The following SAE1 variants were observed in gnomAD, a reference collection of about 807,000 sequenced individuals.
SAE1 encodes the protein SUMO1 activating enzyme subunit 1.
In SAE1, 11 loss-of-function variants were observed where a neutral mutation model predicts 40.6. The ratio of observed to expected loss-of-function variants is 0.27; its 90% CI spans 0.17 to 0.45. The LOEUF (loss-of-function observed/expected upper bound fraction) is 0.45. Ranked by LOEUF, SAE1 falls within the 20% of genes least tolerant of loss-of-function variation. The pLI is 1.00. For missense variants in SAE1, 373 were observed against 427.3 expected (o/e 0.87, Z 1.12); for synonymous variants, 155 against 154.3 (o/e 1.00, Z -0.03).
intron 6 of SAE1, among the ~76,000 whole-genome samples, chr19:47,192,494 G>T (rs56179616): frequency 0.25 from 37,201 of 151,402 alleles, 4,674 homozygotes; most frequent in South Asian, 0.4. Context: ...TGATCCACCC[G>T]CCTTGGCCTC....
chr19:47,155,224 C>T lies in SAE1; in HGVS notation c.627+11C>T, dbSNP rs373997899. The T allele has an allele frequency of 3.4e-5, 54 of 1,589,236 alleles. No homozygotes were observed. Among genetic ancestry groups the T allele is most frequent in the Admixed American group, 5.0e-5 (3 of 59,840 alleles). On this transcript the variant is annotated intron_variant, in intron 5 of 8. Coordinates refer to ENST00000270225, the MANE Select transcript of SAE1 (RefSeq NM_005500.3). ...ACGATGGTCAAAAAGGTATGTGTAACGTGGGGGCAGAGGTCAGAAACCCTG... is the reference window on the plus strand; with the variant it reads ...ACGATGGTCAAAAAGGTATGTGTAATGTGGGGGCAGAGGTCAGAAACCCTG...
intron 4 of SAE1, 137 bp from the exon 5 acceptor site, chr19:47,154,977 C>T (rs1395433372): frequency 2.3e-5 from 15 of 643,698 alleles, no homozygotes; most frequent in East Asian, 1.0e-4. Context: ...TGGCAGAGCT[C>T]GATTTGAACC....
At chr19:47,204,509 CTT>C (rs1555797191) in intron 8 of SAE1, among the ~76,000 whole-genome samples, 8 of 112,964 alleles carry the variant, frequency 7.1e-5, no homozygotes, top group South Asian at 3.4e-4. Flanking sequence ...CACCCCCCCC[CTT>C]TTTTTTTTTT....
At chr19:47,159,195 C>A (rs2058342143) in intron 5 of SAE1, among the ~76,000 whole-genome samples, 1 of 152,198 alleles carries the variant, frequency 6.6e-6, no homozygotes, top group Non-Finnish European at 1.5e-5. Flanking sequence ...TATTAATACT[C>A]TTTTCATGAA....
chr19:47,143,416 T>G, intron 1 of SAE1, 78 bp from the exon 2 acceptor site: 18 of 1,188,686 alleles, frequency 1.5e-5, no homozygotes, highest in Non-Finnish European at 1.9e-5. Flanking sequence ...ACCAAAATGA[T>G]TTGTGTATTT....
intron 6 of SAE1, among the ~76,000 whole-genome samples, chr19:47,174,775 A>G (rs934038881): frequency 1.3e-5 from 2 of 151,076 alleles, no homozygotes; most frequent in East Asian, 2.0e-4. Context: ...GGGTTTCACC[A>G]TGTTAGCCAG....
chr19:47,191,548 C>T (rs2058577795), intron 6 of SAE1, among the ~76,000 whole-genome samples: 1 of 152,136 alleles, frequency 6.6e-6, no homozygotes, highest in Non-Finnish European at 1.5e-5. Flanking sequence ...CAGTCTGAGG[C>T]CTTGCAGCAG....
At chr19:47,182,391 A>G (rs1263349688) in intron 6 of SAE1, among the ~76,000 whole-genome samples, 1 of 151,660 alleles carries the variant, frequency 6.6e-6, no homozygotes, top group Admixed American at 6.6e-5. Flanking sequence ...GCAGCAGCTG[A>G]GTGCTTGTTG....
chr19:47,201,360 CTTTTTTTTTTTTTTTTTT>C (rs57568797), intron 7 of SAE1, among the ~76,000 whole-genome samples: 729 of 66,266 alleles, frequency 0.011, 38 homozygotes, highest in African/African-American at 0.019. Flanking sequence ...TATCTGGTTC[CTTTTTTTTTTTTTTTTTT>C]TTTTTTTTTT....
At chr19:47,135,572 A>G (rs1373567112) in intron 1 of SAE1, 1 of 151,958 alleles carries the variant, frequency 6.6e-6, no homozygotes, top group Non-Finnish European at 1.5e-5. Flanking sequence ...TGGTGTGATC[A>G]CAACTCACTT....
intron 4 of SAE1, among the ~76,000 whole-genome samples, chr19:47,154,042 C>T (rs996615633): frequency 2.0e-5 from 3 of 151,736 alleles, no homozygotes; most frequent in Non-Finnish European, 2.9e-5. Context: ...CCACCCACCT[C>T]GGCCTCCCAA....
At chr19:47,146,841 G>A (rs2058257803) in intron 2 of SAE1, among the ~76,000 whole-genome samples, 1 of 152,116 alleles carries the variant, frequency 6.6e-6, no homozygotes, top group African/African-American at 2.4e-5. Flanking sequence ...GGTGGCTGGT[G>A]GACTCCGGAG....
intron 8 of SAE1, among the ~76,000 whole-genome samples, chr19:47,204,441 G>A (rs1382179754): frequency 1.4e-5 from 2 of 147,578 alleles, no homozygotes; most frequent in Non-Finnish European, 3.0e-5. Context: ...ATCGTGATCT[G>A]CCCACCTCAG....
intron 6 of SAE1, among the ~76,000 whole-genome samples, chr19:47,176,441 T>C (rs2058469113): frequency 6.6e-6 from 1 of 152,236 alleles, no homozygotes; most frequent in Non-Finnish European, 1.5e-5. Context: ...TTTGTTTCAC[T>C]ATTGCCTAAT....
intron 7 of SAE1, among the ~76,000 whole-genome samples, chr19:47,201,914 T>G (rs2058657841): frequency 6.6e-6 from 1 of 152,162 alleles, no homozygotes; most frequent in Non-Finnish European, 1.5e-5. Context: ...ATTACAGATG[T>G]GAGCCACCGC....
intron 2 of SAE1, among the ~76,000 whole-genome samples, chr19:47,145,518 A>G (rs2048609274): frequency 6.6e-6 from 1 of 152,152 alleles, no homozygotes; most frequent in South Asian, 2.1e-4. Flanking sequence ...GACCAGGCTC[A>G]TCTTCAAGGT....
rs147226727 is a variant in SAE1 at position 47,179,569 on chromosome 19, G to A, written c.733+9646G>A. Among the ~76,000 whole-genome samples, 79 of 151,924 alleles carry A rather than the reference G, an allele frequency of 5.2e-4. 2 individuals are homozygous for A. In the Middle Eastern group the frequency reaches 0.01, roughly 20 times the overall value. ...CTTAGTAGGGATTTTGTTTTCAGAT[G>A]AGGTCTTGCTCTGTACCCCAGGCTG... On this transcript the variant is annotated intron_variant, in intron 6 of 8. Coordinates refer to ENST00000270225, the MANE Select transcript of SAE1 (RefSeq NM_005500.3).
At chr19:47,134,758 T>C (rs984024391) in intron 1 of SAE1, among the ~76,000 whole-genome samples, 2 of 152,014 alleles carry the variant, frequency 1.3e-5, no homozygotes, top group African/African-American at 4.8e-5. Context: ...TGGGGATGAT[T>C]TTTCTGAGAA....
In SAE1 at chr19:47,183,733, T is replaced by A. The variant is rs1747003581; in HGVS notation, c.734-13500T>A. Among the ~76,000 whole-genome samples, 3 of 152,364 alleles carry A rather than the reference T, an allele frequency of 2.0e-5. No individual in the cohort carries two copies. The South Asian group carries it at 6.2e-4, about 32-fold the overall frequency. On this transcript the variant is annotated intron_variant, in intron 6 of 8. Coordinates refer to ENST00000270225, the MANE Select transcript of SAE1 (RefSeq NM_005500.3). Reference sequence around the variant, plus strand: ...TGTTTAAAGCCTCACATCTTTTCTCTGACTGTCAGACAACAGTCACGGGAA... The same window carrying A: ...TGTTTAAAGCCTCACATCTTTTCTCAGACTGTCAGACAACAGTCACGGGAA...
Sources: allele counts gnomAD v4.1 joint callset (sites outside exome capture counted in the v4.1 genomes callset), GRCh38; gene constraint gnomAD v4.1.1; transcripts MANE v1.5; gene names NCBI Gene and HGNC (gene_info 2026-07-23, HGNC 2026-07-21).